Variants in WDR7 observed in about 807,000 individuals in gnomAD.
WDR7 encodes the protein WD repeat domain 7.
A neutral mutation model predicts 169.4 loss-of-function variants in WDR7; 46 were observed. The ratio of observed to expected loss-of-function variants is 0.27; its 90% CI spans 0.21 to 0.35. The LOEUF is 0.35. Ranked by LOEUF, WDR7 falls within the 10% of genes least tolerant of loss-of-function variation. The pLI is 1.00. For synonymous variants in WDR7, 612 were observed against 666.8 expected (o/e 0.92, Z 1.27); for missense variants, 1,534 against 1,859.3 (o/e 0.83, Z 3.22).
In WDR7 at chr18:56,904,980, A is replaced by G. The variant is rs867898006; in HGVS notation, c.3527-18942A>G. 2.0e-5 allele frequency among the ~76,000 whole-genome samples: 3 copies of G among 152,314 alleles called. No homozygotes were observed. The Middle Eastern group carries it at 0.01, about 518-fold the overall frequency. ...TTACAAACATAAGAAGAAAGTAGAT[A>G]GATAGTCTCACAGATTGAAAGGTAA... On this transcript the variant is annotated intron_variant, in intron 21 of 27. Transcript: ENST00000254442.
At chr18:56,938,852 ATAAC>A (rs2046996621) in intron 24 of WDR7, among the ~76,000 whole-genome samples, 170 bp downstream of exon 24, 1 of 149,804 alleles carries the variant, frequency 6.7e-6, no homozygotes, top group African/African-American at 2.4e-5. Context: ...TAAGAGAGAG[ATAAC>A]TAAAATTAAC....
At chr18:56,824,148 ATAC>A (rs2045154627) in intron 20 of WDR7, among the ~76,000 whole-genome samples, 1 of 152,188 alleles carries the variant, frequency 6.6e-6, no homozygotes, top group Non-Finnish European at 1.5e-5. Context: ...TTTGTGATTC[ATAC>A]TTTGCATGTG....
chr18:56,952,079 T>C (rs947853040), intron 25 of WDR7, among the ~76,000 whole-genome samples: 1 of 152,210 alleles, frequency 6.6e-6, no homozygotes, highest in African/African-American at 2.4e-5. Context: ...TCTCAGATCA[T>C]GTAAAATCTG....
chr18:56,672,596 A>G lies in WDR7; in HGVS notation c.81A>G (p.Leu27=). 6.2e-7 allele frequency: 1 copy of G among 1,613,640 alleles called. No homozygotes were observed. Among genetic ancestry groups the G allele is most frequent in the Non-Finnish European group, 8.5e-7 (1 of 1,179,736 alleles). ...APTHCISAVL[L]TDDGATIVTG... ...CACATTGCATCTCAGCCGTACTTTT[A>G]ACAGATGATGGGGCCACGATCGTAA... Residue 27 remains leucine, a synonymous_variant, in exon 2 of 28, where the codon TTA becomes TTG. Transcript: ENST00000254442.
intron 12 of WDR7, among the ~76,000 whole-genome samples, chr18:56,705,466 G>T (rs2025927663): frequency 1.3e-5 from 2 of 152,144 alleles, no homozygotes; most frequent in South Asian, 2.1e-4. Flanking sequence ...TTTAAGGAAG[G>T]TCAATATATA....
At chr18:57,021,398 C>T (rs1262118959) in intron 27 of WDR7, among the ~76,000 whole-genome samples, 1 of 152,048 alleles carries the variant, frequency 6.6e-6, no homozygotes. Context: ...GTGACTCTAA[C>T]AGGGTGTAGG....
intron 2 of WDR7, among the ~76,000 whole-genome samples, chr18:56,678,051 T>C (rs490843): frequency 0.92 from 139,683 of 152,184 alleles, 65,279 homozygotes; most frequent in East Asian, 1. Context: ...TATTAAAAGA[T>C]TCTGATACAT....
intron 21 of WDR7, among the ~76,000 whole-genome samples, chr18:56,899,483 A>G (rs2046372672): frequency 6.6e-6 from 1 of 152,226 alleles, no homozygotes; most frequent in East Asian, 1.9e-4. Flanking sequence ...AGTTTTAAAA[A>G]TTCTTATATT....
At chr18:56,909,438 A>C (rs2046523863) in intron 21 of WDR7, among the ~76,000 whole-genome samples, 1 of 152,250 alleles carries the variant, frequency 6.6e-6, no homozygotes, top group Non-Finnish European at 1.5e-5. Flanking sequence ...AAGATTGTGC[A>C]CTATTGTTCT....
chr18:56,715,636 C>T (rs952622961), intron 12 of WDR7, among the ~76,000 whole-genome samples: 1 of 152,042 alleles, frequency 6.6e-6, no homozygotes, highest in Non-Finnish European at 1.5e-5. Context: ...GAGTTCAAGA[C>T]TAGCCTGGGC....
At chr18:56,771,810 A>G (rs539075046) in intron 16 of WDR7, among the ~76,000 whole-genome samples, 97 of 151,998 alleles carry the variant, frequency 6.4e-4, no homozygotes, top group Middle Eastern at 3.4e-3. Flanking sequence ...TGAACCCAGG[A>G]GGCAGAGGTT....
At chr18:56,949,325 A>T (rs1457737105) in intron 25 of WDR7, among the ~76,000 whole-genome samples, 3 of 152,238 alleles carry the variant, frequency 2.0e-5, no homozygotes, top group Non-Finnish European at 4.4e-5. Flanking sequence ...TGAGCATTTT[A>T]AAAATATTGA....
At chr18:56,906,022 A>G (rs374740440) in intron 21 of WDR7, among the ~76,000 whole-genome samples, 1 of 129,028 alleles carries the variant, frequency 7.8e-6, no homozygotes, top group Non-Finnish European at 1.7e-5. Context: ...AGAAGGAATG[A>G]TGGAATATAA....
At chr18:56,829,943 T>A (rs542313276) in intron 20 of WDR7, among the ~76,000 whole-genome samples, 1 of 152,310 alleles carries the variant, frequency 6.6e-6, no homozygotes, top group African/African-American at 2.4e-5. Flanking sequence ...AATTGAAAAG[T>A]TAGAAAATAA....
chr18:56,670,907 C>T (rs929350111), intron 1 of WDR7, among the ~76,000 whole-genome samples: 4 of 152,206 alleles, frequency 2.6e-5, no homozygotes. Flanking sequence ...AGAGTACTCT[C>T]TTCTATGCAG....
chr18:56,733,895 CTG>C (rs1391997832), intron 14 of WDR7, among the ~76,000 whole-genome samples: 3 of 152,078 alleles, frequency 2.0e-5, no homozygotes, highest in African/African-American at 4.8e-5. Flanking sequence ...TTATTTATCT[CTG>C]TGCTTTTCCA....
rs1390091413 is a variant in WDR7 at position 56,711,645 on chromosome 18, G to A, written c.1579-6319G>A. Among the ~76,000 whole-genome samples the A allele has an allele frequency of 2.6e-5, 4 of 151,608 alleles. No homozygotes were observed. The East Asian group carries it at 7.7e-4, about 29-fold the overall frequency. On this transcript the variant is annotated intron_variant, in intron 12 of 27. Transcript: ENST00000254442. ...AATTAGTTTGTTAATCGGTGTTTTG[G>A]CTGGACCATATGGCCTTTTTTTCTA... is the stretch of plus-strand genomic sequence containing the variant.
In WDR7 at chr18:56,660,578, A is replaced by T. The variant is rs559866422; in HGVS notation, c.-20+9002A>T. Among the ~76,000 whole-genome samples, 17 of 152,008 alleles carry T rather than the reference A, an allele frequency of 1.1e-4. No individual in the cohort carries two copies. The South Asian group carries it at 3.5e-3, about 32-fold the overall frequency. ...AGATGGTTTAAAGCAATGAGGCTTG[A>T]TGAGATCATTGAGGGAGGGAGTGTT... On this transcript the variant is annotated intron_variant, in intron 1 of 27. Coordinates refer to ENST00000254442, the MANE Select transcript of WDR7 (RefSeq NM_015285.3).
At chr18:57,002,288 A>G (rs994660) in intron 26 of WDR7, among the ~76,000 whole-genome samples, 93,679 of 151,958 alleles carry the variant, frequency 0.62, 29,434 homozygotes, top group Middle Eastern at 0.72. Context: ...TGACTGTACT[A>G]TAATTTTCTT....
Sources: gnomAD v4.1 joint callset for allele counts (sites outside exome capture counted in the v4.1 genomes callset) on GRCh38, gnomAD v4.1.1 for gene constraint, MANE v1.5 for transcripts, NCBI Gene and HGNC (gene_info 2026-07-23, HGNC 2026-07-21) for gene names.